Variants in FOXP1 observed in about 807,000 individuals in gnomAD.
FOXP1 encodes forkhead box protein P1.
A neutral mutation model predicts 98.2 loss-of-function variants in FOXP1; 15 were observed. The ratio of observed to expected loss-of-function variants is 0.15; its 90% CI spans 0.10 to 0.24. FOXP1 has a LOEUF of 0.24. Among genes scored for constraint, FOXP1 ranks in the 10% least tolerant of loss-of-function variants. The pLI is 1.00. For synonymous variants in FOXP1, 371 were observed against 314.5 expected (o/e 1.18, Z -1.90); for missense variants, 633 against 848.5 (o/e 0.75, Z 3.15).
At chr3:71,289,281 CGCCT>C (rs951823317) in intron 5 of FOXP1, among the ~76,000 whole-genome samples, 2 of 151,840 alleles carry the variant, frequency 1.3e-5, no homozygotes, top group African/African-American at 4.8e-5. Flanking sequence ...CCTCATGATC[CGCCT>C]GCCTTGGCCT....
At chr3:71,525,620 T>C (rs1012685280) in intron 2 of FOXP1, among the ~76,000 whole-genome samples, 1 of 152,208 alleles carries the variant, frequency 6.6e-6, no homozygotes, top group Non-Finnish European at 1.5e-5. Context: ...AAGAAAGACC[T>C]CACCATCTTC....
intron 2 of FOXP1, among the ~76,000 whole-genome samples, chr3:71,566,553 C>A (rs115263561): frequency 7.2e-5 from 11 of 152,184 alleles, no homozygotes; most frequent in Non-Finnish European, 1.6e-4. Context: ...GGCAATCCAA[C>A]GGGCAATTTG....
chr3:71,154,075 ATTCTTCTTCTTC>A (rs1553761195), intron 6 of FOXP1, among the ~76,000 whole-genome samples: 1 of 144,308 alleles, frequency 6.9e-6, no homozygotes, highest in African/African-American at 2.5e-5. Flanking sequence ...TCCCCTTTGC[ATTCTTCTTCTTC>A]TTCTTCTTCT....
intron 3 of FOXP1, among the ~76,000 whole-genome samples, chr3:71,371,757 C>G (rs1026100566): frequency 1.3e-5 from 2 of 152,186 alleles, no homozygotes; most frequent in East Asian, 1.9e-4. Context: ...TCACTGCACT[C>G]CAGCCTAGAT....
chr3:71,268,090 CTTT>C (rs754818021), intron 5 of FOXP1, among the ~76,000 whole-genome samples: 2 of 100,380 alleles, frequency 2.0e-5, no homozygotes. Flanking sequence ...CTTTTCTTTT[CTTT>C]TTTTTTTTTT....
intron 3 of FOXP1, among the ~76,000 whole-genome samples, chr3:71,372,037 G>C (rs1239099303): frequency 6.6e-6 from 1 of 150,380 alleles, no homozygotes; most frequent in Non-Finnish European, 1.5e-5. Flanking sequence ...TTTTGAGATG[G>C]AGTCTTGCTC....
intron 13 of FOXP1, among the ~76,000 whole-genome samples, chr3:70,993,365 T>G (rs1329522608): frequency 6.6e-5 from 10 of 152,044 alleles, no homozygotes; most frequent in Non-Finnish European, 1.5e-4. Context: ...AACCAGTTCC[T>G]GCGTAGAGCC....
intron 4 of FOXP1, among the ~76,000 whole-genome samples, chr3:71,311,557 C>T (rs7633896): frequency 0.21 from 32,120 of 152,136 alleles, 3,657 homozygotes; most frequent in African/African-American, 0.28. Context: ...CTAGCATGCT[C>T]GTGCACACAG....
chr3:71,257,764 T>A (rs534688652), intron 5 of FOXP1, among the ~76,000 whole-genome samples: 1 of 152,268 alleles, frequency 6.6e-6, no homozygotes, highest in East Asian at 1.9e-4. Context: ...TTCTCAGGCA[T>A]TGTGGTGAAA....
intron 13 of FOXP1, among the ~76,000 whole-genome samples, chr3:70,989,089 A>T (rs1458783445): frequency 6.6e-6 from 1 of 152,232 alleles, no homozygotes; most frequent in East Asian, 1.9e-4. Context: ...TAAATCCTTT[A>T]AAAATAAAGT....
rs973750159 is a variant in FOXP1, at chr3:71,204,805, G to A, written c.-11-6413C>T. 7.2e-5 allele frequency among the ~76,000 whole-genome samples: 11 copies of A among 152,222 alleles called. No individual in the cohort carries two copies. The South Asian group carries it at 1.2e-3, about 17-fold the overall frequency. On this transcript the variant is annotated intron_variant, in intron 5 of 20. Transcript: ENST00000649528. The stretch of plus-strand genomic sequence containing the variant: ...GAAAGAACAAAACAAGAGAAACAGA[G>A]TTAGATCAGACAATTGTTTTCTCAC...
At chr3:71,095,091 T>C (rs1289515060) in intron 7 of FOXP1, among the ~76,000 whole-genome samples, 2 of 152,238 alleles carry the variant, frequency 1.3e-5, no homozygotes, top group Non-Finnish European at 2.9e-5. Context: ...GCCTTAGAAA[T>C]AGAGCTGCGT....
intron 2 of FOXP1, among the ~76,000 whole-genome samples, chr3:71,540,525 C>T (rs1027682174): frequency 1.3e-5 from 2 of 152,190 alleles, no homozygotes; most frequent in Admixed American, 6.5e-5. Context: ...AATAAACTTT[C>T]GTTAAGGACA....
chr3:71,540,914 C>T (rs1246870538), intron 2 of FOXP1, among the ~76,000 whole-genome samples: 1 of 152,156 alleles, frequency 6.6e-6, no homozygotes, highest in East Asian at 1.9e-4. Flanking sequence ...GTTTTTAGGA[C>T]CACAAGTTAA....
At chr3:71,190,106 T>C (rs1202336471) in intron 6 of FOXP1, among the ~76,000 whole-genome samples, 2 of 152,168 alleles carry the variant, frequency 1.3e-5, no homozygotes, top group Admixed American at 6.5e-5. Context: ...CACCACCTCT[T>C]ATATGATCTT....
chr3:71,048,147 A>C (rs972951643), intron 9 of FOXP1, among the ~76,000 whole-genome samples: 1 of 152,216 alleles, frequency 6.6e-6, no homozygotes, highest in African/African-American at 2.4e-5. Context: ...GCAAAAAAAA[A>C]AGAAAAGTTT....
intron 12 of FOXP1, among the ~76,000 whole-genome samples, chr3:71,005,357 G>A (rs957831229): frequency 5.0e-5 from 7 of 140,324 alleles, no homozygotes; most frequent in Admixed American, 4.4e-4. Context: ...ATCATAAGGA[G>A]TGCCCTTTAT....
At chr3:71,437,171 G>A (rs2085448318) in intron 3 of FOXP1, among the ~76,000 whole-genome samples, 1 of 152,136 alleles carries the variant, frequency 6.6e-6, no homozygotes, top group African/African-American at 2.4e-5. Flanking sequence ...CAAGCACTCT[G>A]GAAGGCAGGC....
intron 7 of FOXP1, among the ~76,000 whole-genome samples, chr3:71,090,849 T>A (rs959647582): frequency 5.3e-5 from 8 of 152,182 alleles, no homozygotes; most frequent in African/African-American, 1.9e-4. Flanking sequence ...CATAGGTATA[T>A]GATAACATAG....
Sources: gnomAD v4.1 joint callset for allele counts (sites outside exome capture counted in the v4.1 genomes callset) on GRCh38, gnomAD v4.1.1 for gene constraint, MANE v1.5 for transcripts, NCBI Gene and HGNC (gene_info 2026-07-23, HGNC 2026-07-21) for gene names.